TENM4: variants seen among roughly 807,000 people sequenced by gnomAD.
TENM4 encodes teneurin transmembrane protein 4, also known as teneurin-4.
Under a neutral mutation model 243.3 loss-of-function variants are expected in TENM4, and 82 were observed. That is an observed-to-expected ratio of 0.34 (90% CI 0.28 to 0.40). The LOEUF (loss-of-function observed/expected upper bound fraction) is 0.40. TENM4 is among the 10% of genes least tolerant of loss of function. The pLI, the probability that TENM4 is intolerant of heterozygous loss-of-function variation, is 1.00. For missense variants in TENM4, 3,138 were observed against 3,673.3 expected (o/e 0.85, Z 3.77); for synonymous variants, 1,412 against 1,456.3 (o/e 0.97, Z 0.69).
chr11:79,169,012 A>G (rs1302777093), intron 3 of TENM4, among the ~76,000 whole-genome samples: 1 of 152,108 alleles, frequency 6.6e-6, no homozygotes, highest in Non-Finnish European at 1.5e-5. Flanking sequence ...CCACCAGCTG[A>G]CCTAGGGTGA....
intron 25 of TENM4, 144 bp downstream of exon 25, chr11:78,720,226 C>G: frequency 1.1e-6 from 1 of 922,392 alleles, no homozygotes; most frequent in Non-Finnish European, 1.7e-6. Flanking sequence ...ATGACTTCCT[C>G]CCATTGCAAC....
intron 4 of TENM4, among the ~76,000 whole-genome samples, chr11:79,099,537 A>C (rs1339872546): frequency 6.6e-6 from 1 of 152,202 alleles, no homozygotes; most frequent in Admixed American, 6.5e-5. Context: ...AATGATCATC[A>C]AAACTATTTC....
intron 19 of TENM4, among the ~76,000 whole-genome samples, chr11:78,750,641 C>T (rs187938304): frequency 9.2e-5 from 14 of 152,250 alleles, no homozygotes; most frequent in African/African-American, 3.4e-4. Context: ...ACTTTTGTCT[C>T]TACTTCTCTT....
intron 28 of TENM4, among the ~76,000 whole-genome samples, chr11:78,690,250 T>G (rs1194588385): frequency 6.6e-6 from 1 of 152,082 alleles, no homozygotes; most frequent in Non-Finnish European, 1.5e-5. Flanking sequence ...GGAGTAAAGA[T>G]CTGAGATGCA....
rs766772507 is a variant in TENM4, at chr11:78,702,244, G to T, written c.4369C>A (p.Leu1457Met). The change falls in exon 28 of 34, where the codon CTG (leucine) becomes ATG (methionine). Residue 1457 changes from leucine (L) to methionine (M), a missense_variant. Physicochemically the swap from Leu to Met is conservative, Grantham distance 15. Transcript: ENST00000278550. ...GCGTGGATGGCCACCTTGCTTAGCA[G>T]GAAGTGGTCAATGCCAGGGACCTGG... ...HCQVPGIDHF[L>M]LSKVAIHATL... The T allele has an allele frequency of 6.2e-7, 1 of 1,614,060 alleles. No homozygotes were observed. Among genetic ancestry groups the T allele is most frequent in the Non-Finnish European group, 8.5e-7 (1 of 1,179,908 alleles).
At chr11:79,054,583 C>T (rs1044656576) in intron 6 of TENM4, among the ~76,000 whole-genome samples, 13 of 151,582 alleles carry the variant, frequency 8.6e-5, no homozygotes, top group African/African-American at 2.9e-4. Context: ...ACTGCAGCCT[C>T]GATCACCCAG....
In TENM4 at chr11:79,236,940, C is replaced by T. The variant is rs114617559; in HGVS notation, c.-264-21031G>A. Among the ~76,000 whole-genome samples the T allele has an allele frequency of 4.4e-3, 664 of 152,206 alleles. 3 individuals are homozygous for T. The highest frequency in any genetic ancestry group is 0.016 in the African/African-American group (645 of 41,528). On this transcript the variant is annotated intron_variant, in intron 2 of 33. Coordinates refer to ENST00000278550, the MANE Select transcript of TENM4 (RefSeq NM_001098816.3). ...GTCTGGTTCCCGGAATGTTGAGTCC[C>T]AAGGAGTGAGACAAAGGGGATTCCG...
At chr11:79,399,263 A>G (rs1858407624) in intron 1 of TENM4, among the ~76,000 whole-genome samples, 1 of 152,212 alleles carries the variant, frequency 6.6e-6, no homozygotes, top group African/African-American at 2.4e-5. Context: ...ATGAGCAGAA[A>G]TCTACTGGTT....
chr11:79,304,706 T>C (rs1254320379), intron 1 of TENM4, among the ~76,000 whole-genome samples: 1 of 152,154 alleles, frequency 6.6e-6, no homozygotes, highest in African/African-American at 2.4e-5. Flanking sequence ...CGTGGCTTAG[T>C]GGGGCCAAAA....
At chr11:79,246,243 C>A (rs1448778278) in intron 2 of TENM4, among the ~76,000 whole-genome samples, 2 of 152,138 alleles carry the variant, frequency 1.3e-5, no homozygotes, top group Non-Finnish European at 2.9e-5. Context: ...CTTTATAAAA[C>A]CTTGGGATAT....
chr11:79,423,535 ATTTTTTTT>A (rs67697266), intron 1 of TENM4, among the ~76,000 whole-genome samples: 34 of 114,130 alleles, frequency 3.0e-4, no homozygotes, highest in African/African-American at 1.0e-3. Context: ...TTACAAGTGC[ATTTTTTTT>A]TTTTTTTTTT....
intron 16 of TENM4, among the ~76,000 whole-genome samples, chr11:78,785,774 C>A (rs1205466509): frequency 6.6e-6 from 1 of 152,076 alleles, no homozygotes; most frequent in Non-Finnish European, 1.5e-5. Flanking sequence ...GGCTTCAAAA[C>A]AAAAACAATG....
intron 3 of TENM4, among the ~76,000 whole-genome samples, chr11:79,173,128 T>C (rs551720630): frequency 1.4e-4 from 21 of 152,240 alleles, no homozygotes; most frequent in Non-Finnish European, 2.5e-4. Context: ...TAAGTATTTG[T>C]TAAATAAATG....
At chr11:78,854,044 T>C in intron 12 of TENM4, 60 bp downstream of exon 12, 3 of 1,478,118 alleles carry the variant, frequency 2.0e-6, no homozygotes, top group Non-Finnish European at 2.7e-6. Context: ...AGAATCTCCA[T>C]GCAGCCTCCG....
At chr11:78,774,362 C>T (rs1032299650) in intron 17 of TENM4, among the ~76,000 whole-genome samples, 2 of 152,142 alleles carry the variant, frequency 1.3e-5, no homozygotes, top group South Asian at 2.1e-4. Context: ...TTGCCAAAAA[C>T]GGTCAAGACA....
At chr11:78,947,340 C>A (rs1056452528) in intron 6 of TENM4, among the ~76,000 whole-genome samples, 2 of 152,174 alleles carry the variant, frequency 1.3e-5, no homozygotes, top group Non-Finnish European at 2.9e-5. Context: ...AACCAAGACT[C>A]CCTGGTCACA....
intron 2 of TENM4, among the ~76,000 whole-genome samples, chr11:79,230,217 C>G (rs1257965449): frequency 5.3e-5 from 8 of 152,208 alleles, no homozygotes; most frequent in Admixed American, 5.2e-4. Flanking sequence ...CGCTGGTCAT[C>G]CTTAGCCACT....
intron 19 of TENM4, among the ~76,000 whole-genome samples, chr11:78,751,005 G>A (rs572535103): frequency 2.0e-5 from 3 of 152,012 alleles, no homozygotes; most frequent in South Asian, 4.2e-4. Flanking sequence ...TCAGCTTCCT[G>A]AGTAGCATGG....
intron 1 of TENM4, among the ~76,000 whole-genome samples, chr11:79,433,404 T>C (rs1859207678): frequency 6.6e-6 from 1 of 152,140 alleles, no homozygotes; most frequent in Admixed American, 6.5e-5. Context: ...CCCAAACCAA[T>C]TTTATAGTGA....
Sources: gnomAD v4.1 joint callset for allele counts (sites outside exome capture counted in the v4.1 genomes callset) on GRCh38, gnomAD v4.1.1 for gene constraint, MANE v1.5 for transcripts, NCBI Gene and HGNC (gene_info 2026-07-23, HGNC 2026-07-21) for gene names.